The following TAS1R1 variants were observed in gnomAD, a reference collection of about 807,000 sequenced individuals.
The protein encoded by TAS1R1 is taste receptor type 1 member 1.
In TAS1R1, 31 loss-of-function variants were observed where a neutral mutation model predicts 45.8. The ratio of observed to expected loss-of-function variants is 0.68; its 90% CI spans 0.51 to 0.91. The LOEUF (loss-of-function observed/expected upper bound fraction) is 0.91. Ranked by LOEUF, TAS1R1 falls within the 40% of genes least tolerant of loss-of-function variation. The probability of loss-of-function intolerance (pLI) is 0.00; values close to 1 mark genes in which losing one functional copy is unlikely to be tolerated. For missense variants in TAS1R1, 1,051 were observed against 1,063.9 expected (o/e 0.99, Z 0.17); for synonymous variants, 437 against 448.4 (o/e 0.97, Z 0.32).
chr1:6,562,024 G>T (rs767561956), intron 1 of TAS1R1, among the ~76,000 whole-genome samples: 13 of 152,208 alleles, frequency 8.5e-5, no homozygotes, highest in Non-Finnish European at 1.8e-4. Context: ...GAGGATGTGG[G>T]GGTTGAAAGG....
In TAS1R1 at chr1:6,578,912, C is replaced by T. The variant is rs778474196; in HGVS notation, c.1854C>T (p.Ser618=). The stretch of plus-strand genomic sequence containing the variant: ...GCTCCCTGGCAGCAGGTAGTGGCAG[C>T]CTCTATGGCTTCTTTGGGGAACCCA... ...MLGSLAAGSG[S]LYGFFGEPTR... is the part of the protein sequence containing the mutation. The change falls in exon 6 of 6, where the codon AGC becomes AGT. Residue 618 remains serine, a synonymous_variant. Transcript: ENST00000333172. 2 of 1,612,390 alleles carry T rather than the reference C, an allele frequency of 1.2e-6. No individual in the cohort carries two copies. The highest frequency in any genetic ancestry group is 1.7e-6 in the Non-Finnish European group (2 of 1,178,978).
At chr1:6,570,010 G>A (rs1439099215) in intron 1 of TAS1R1, among the ~76,000 whole-genome samples, 2 of 58,316 alleles carry the variant, frequency 3.4e-5, no homozygotes, top group African/African-American at 4.5e-5. Context: ...GAGGAGAGAG[G>A]GAGGGAGGGA....
chr1:6,569,759 G>A (rs1009682115), intron 1 of TAS1R1, among the ~76,000 whole-genome samples: 1 of 152,170 alleles, frequency 6.6e-6, no homozygotes, highest in Admixed American at 6.5e-5. Flanking sequence ...CGGAGGCCTG[G>A]AGGCCAGAGG....
Position 6,574,862 on chromosome 1 carries a change from A to G in TAS1R1, c.730A>G (p.Ile244Val). The part of the protein sequence containing the change: ...GQGICIAFKD[I>V]MPFSAQVGDE... ...GGGGATCTGCATTGCTTTCAAGGACATCATGCCCTTCTCTGCCCAGGTGGG... is the reference window on the plus strand; with the variant it reads ...GGGGATCTGCATTGCTTTCAAGGACGTCATGCCCTTCTCTGCCCAGGTGGG... The change falls in exon 3 of 6, where the codon ATC (isoleucine) becomes GTC (valine). Residue 244 changes from isoleucine to valine, a missense_variant. Coordinates refer to ENST00000333172, the MANE Select transcript of TAS1R1 (RefSeq NM_138697.4). This position sits in a 1 kb window ranked among gnomAD's most constrained non-coding sequence, Gnocchi z 4.3. 6.2e-7 allele frequency: 1 copy of G among 1,614,254 alleles called. No individual in the cohort carries two copies. Among genetic ancestry groups the G allele is most frequent in the Non-Finnish European group, 8.5e-7 (1 of 1,180,034 alleles).
chr1:6,561,419 A>G (rs988796467), intron 1 of TAS1R1, among the ~76,000 whole-genome samples: 1 of 152,108 alleles, frequency 6.6e-6, no homozygotes, highest in Non-Finnish European at 1.5e-5. Flanking sequence ...ACTGCTAAAG[A>G]GTCTATCTGG....
At chr1:6,571,530 G>C (rs1640016130) in intron 2 of TAS1R1, among the ~76,000 whole-genome samples, 1 of 152,204 alleles carries the variant, frequency 6.6e-6, no homozygotes, top group African/African-American at 2.4e-5. Context: ...CGTTGCCTTT[G>C]TTAGGAATGG....
intron 5 of TAS1R1, 83 bp from the exon 6 acceptor site, chr1:6,578,570 C>T (rs990104111): frequency 4.0e-5 from 60 of 1,508,990 alleles, no homozygotes; most frequent in Non-Finnish European, 3.8e-5. Context: ...TGGTACAATT[C>T]TCCCAGTATC....
chr1:6,565,004 G>A (rs543963863), intron 1 of TAS1R1, among the ~76,000 whole-genome samples: 1 of 152,116 alleles, frequency 6.6e-6, no homozygotes, highest in South Asian at 2.1e-4. Context: ...TAGGTGGGGG[G>A]AGGAGAAATA....
chr1:6,561,515 T>G (rs1253131908), intron 1 of TAS1R1, among the ~76,000 whole-genome samples: 4 of 152,070 alleles, frequency 2.6e-5, no homozygotes, highest in Non-Finnish European at 5.9e-5. Context: ...ATCAAGACCA[T>G]CCTGGCTAAT....
At chr1:6,572,398 C>G (rs995753828) in intron 2 of TAS1R1, among the ~76,000 whole-genome samples, 1 of 151,704 alleles carries the variant, frequency 6.6e-6, no homozygotes, top group African/African-American at 2.4e-5. Flanking sequence ...TAGCTGGGTC[C>G]ACAGGCATGT....
chr1:6,558,192 A>G (rs1226734490), intron 1 of TAS1R1, among the ~76,000 whole-genome samples: 1 of 151,568 alleles, frequency 6.6e-6, no homozygotes, highest in African/African-American at 2.4e-5. Flanking sequence ...ATATGCCACC[A>G]CTTACCGCTA....
chr1:6,574,647 G>C lies in TAS1R1; in HGVS notation c.515G>C (p.Ser172Thr). ...CTCCCATAGATTAGCTATGCGGCCAGCAGCGAGACGCTCAGCGTGAAGCGG... is the reference window on the plus strand; with the variant it reads ...CTCCCATAGATTAGCTATGCGGCCACCAGCGAGACGCTCAGCGTGAAGCGG... ...FLVPMISYAA[S>T]SETLSVKRQY... Residue 172 changes from serine (S) to threonine (T), a missense_variant, in exon 3 of 6, where the codon AGC becomes ACC. Physicochemically the swap from Ser to Thr is moderately conservative, Grantham distance 58. Coordinates refer to ENST00000333172, the MANE Select transcript of TAS1R1 (RefSeq NM_138697.4). This position sits in a 1 kb window ranked among gnomAD's most constrained non-coding sequence, Gnocchi z 4.3. 1 of 1,606,466 alleles carries C rather than the reference G, an allele frequency of 6.2e-7. No homozygotes were observed. Among genetic ancestry groups the C allele is most frequent in the Non-Finnish European group, 8.5e-7 (1 of 1,175,018 alleles).
chr1:6,570,562 G>C (rs12082471), intron 1 of TAS1R1, among the ~76,000 whole-genome samples: 47,135 of 151,978 alleles, frequency 0.31, 7,781 homozygotes, highest in East Asian at 0.47. Context: ...AGAATGTCCA[G>C]CCTGCTGGCC....
chr1:6,573,598 G>C (rs919737019), intron 2 of TAS1R1, among the ~76,000 whole-genome samples: 6 of 152,010 alleles, frequency 3.9e-5, no homozygotes, highest in African/African-American at 1.4e-4. Flanking sequence ...TCTAAGGACG[G>C]GTGTGTGAGG....
intron 1 of TAS1R1, among the ~76,000 whole-genome samples, chr1:6,564,489 C>T (rs181061863): frequency 4.6e-5 from 7 of 152,168 alleles, no homozygotes; most frequent in Middle Eastern, 3.4e-3. Context: ...GGCTCTGGTG[C>T]GGGCTAGGGC....
chr1:6,556,399 C>CTATT (rs1639685243), intron 1 of TAS1R1, among the ~76,000 whole-genome samples: 1 of 151,578 alleles, frequency 6.6e-6, no homozygotes, highest in Non-Finnish European at 1.5e-5. Context: ...ATCTATCTAT[C>CTATT]TATCTATCTA....
At position 6,579,190 on chromosome 1, in the gene TAS1R1, G is replaced by A. The variant is rs1364747685; in HGVS notation, c.2132G>A (p.Arg711His). 12 of 1,614,164 alleles carry A rather than the reference G, an allele frequency of 7.4e-6. No individual in the cohort carries two copies. Among genetic ancestry groups the A allele is most frequent in the Non-Finnish European group, 1.0e-5 (12 of 1,180,042 alleles). Residue 711 changes from arginine (R) to histidine (H), a missense_variant, in exon 6 of 6, where the codon CGC becomes CAC. Transcript: ENST00000333172. ...CCACTGCCTGCTAGGGAATACCAGCGCTTCCCCCATCTGGTGATGCTTGAG... is the reference window on the plus strand; with the variant it reads ...CCACTGCCTGCTAGGGAATACCAGCACTTCCCCCATCTGGTGATGCTTGAG... ...WTPLPAREYQ[R>H]FPHLVMLECT...
intron 1 of TAS1R1, 39 bp downstream of exon 1, chr1:6,555,603 C>A (rs775582518): frequency 2.0e-6 from 3 of 1,521,884 alleles, no homozygotes; most frequent in Admixed American, 2.0e-5. Flanking sequence ...TAGTGGGACC[C>A]CTGGCTATAG....
intron 1 of TAS1R1, among the ~76,000 whole-genome samples, chr1:6,567,487 G>A (rs962536070): frequency 8.6e-5 from 13 of 151,814 alleles, no homozygotes; most frequent in Non-Finnish European, 1.8e-4. Context: ...GTGAACCCGG[G>A]AGGCGGAGCT....
Sources: gnomAD v4.1 joint callset for allele counts (sites outside exome capture counted in the v4.1 genomes callset) on GRCh38, gnomAD v4.1.1 for gene constraint, Gnocchi (gnomAD v3.1) non-coding constraint, MANE v1.5 for transcripts, NCBI Gene and HGNC (gene_info 2026-07-23, HGNC 2026-07-21) for gene names.